SLIT3: variants seen among roughly 807,000 people sequenced by gnomAD.
The protein encoded by SLIT3 is slit guidance ligand 3.
SLIT3 carries 68 observed loss-of-function variants against 184.0 expected under a neutral mutation model. The observed-to-expected ratio is 0.37, with a 90% CI of 0.30 to 0.45. The LOEUF is 0.45. Among genes scored for constraint, SLIT3 ranks in the 20% least tolerant of loss-of-function variants. The probability of loss-of-function intolerance (pLI) is 1.00; values close to 1 mark genes in which losing one functional copy is unlikely to be tolerated. For synonymous variants in SLIT3, 831 were observed against 828.6 expected, an observed-to-expected ratio of 1.00 and a Z score of -0.05; for missense variants, 1,707 against 2,026.0, an observed-to-expected ratio of 0.84 and a Z score of 3.02.
rs190057712 is a variant in SLIT3, at chr5:168,820,168, T to G, written c.630-2705A>C. Among the ~76,000 whole-genome samples, 107 of 152,234 alleles carry G rather than the reference T, an allele frequency of 7.0e-4. 1 individual carries two copies. Among genetic ancestry groups the G allele is most frequent in the Non-Finnish European group, 1.4e-3 (93 of 68,000 alleles). On this transcript the variant is annotated intron_variant, in intron 7 of 35. Transcript: ENST00000519560. Reference sequence around the variant, plus strand: ...CCTCTTGAGTGAGAAGGGACATTATTTTAATTACTTTCAATAGTTTTGGTG... The same window carrying G: ...CCTCTTGAGTGAGAAGGGACATTATGTTAATTACTTTCAATAGTTTTGGTG...
chr5:168,892,717 G>A (rs1040670107), intron 4 of SLIT3, among the ~76,000 whole-genome samples: 1 of 152,186 alleles, frequency 6.6e-6, no homozygotes, highest in Non-Finnish European at 1.5e-5. Context: ...AGTCCAAACG[G>A]AAGCTTTCTT....
intron 3 of SLIT3, among the ~76,000 whole-genome samples, chr5:169,194,747 C>T (rs977557787): frequency 1.3e-5 from 2 of 152,160 alleles, no homozygotes; most frequent in Non-Finnish European, 2.9e-5. Flanking sequence ...GTAGGGATGG[C>T]TCACATTGGA....
chr5:168,718,868 A>G (rs990170454), intron 23 of SLIT3, among the ~76,000 whole-genome samples: 3 of 152,110 alleles, frequency 2.0e-5, no homozygotes, highest in African/African-American at 7.2e-5. Flanking sequence ...AACACCCAAC[A>G]TCTCTGGGTC....
At chr5:168,741,442 G>GC (rs2113431520) in intron 20 of SLIT3, among the ~76,000 whole-genome samples, 1 of 135,092 alleles carries the variant, frequency 7.4e-6, no homozygotes, top group South Asian at 2.4e-4. Context: ...CTGCATTCCA[G>GC]CACTCCAGCC....
intron 4 of SLIT3, among the ~76,000 whole-genome samples, chr5:168,994,591 G>A (rs994720211): frequency 7.8e-6 from 1 of 128,436 alleles, no homozygotes; most frequent in Non-Finnish European, 1.6e-5. Flanking sequence ...AATATCTAAT[G>A]CTACTAACAT....
At chr5:168,722,550 C>T (rs569880515) in intron 22 of SLIT3, among the ~76,000 whole-genome samples, 5 of 152,308 alleles carry the variant, frequency 3.3e-5, no homozygotes, top group Middle Eastern at 3.4e-3. Context: ...GCTTTCTAAC[C>T]AGCTTGTTCG....
At position 169,244,685 on chromosome 5, in the gene SLIT3, G is replaced by T; in HGVS notation, c.341+20C>A. On this transcript the variant is annotated intron_variant, in intron 3 of 35. Transcript: ENST00000519560. ...AAATGTAAATAAATACTTTAAGAAA[G>T]GAGGCTGTACTGTACTTACAGTCGC... 6.2e-7 allele frequency: 1 copy of T among 1,601,542 alleles called. No homozygotes were observed. Among genetic ancestry groups the T allele is most frequent in the Non-Finnish European group, 8.6e-7 (1 of 1,169,238 alleles).
chr5:168,982,081 C>A (rs890539625), intron 4 of SLIT3, among the ~76,000 whole-genome samples: 8 of 152,176 alleles, frequency 5.3e-5, no homozygotes, highest in Non-Finnish European at 1.2e-4. Flanking sequence ...TAATTCTTTC[C>A]TTTCTTCTAA....
intron 14 of SLIT3, among the ~76,000 whole-genome samples, chr5:168,771,752 T>G (rs1051936332): frequency 3.3e-5 from 5 of 152,240 alleles, no homozygotes; most frequent in Admixed American, 2.0e-4. Context: ...AGACATGGAC[T>G]AAAGAATTTG....
At chr5:169,220,560 A>G (rs946256386) in intron 3 of SLIT3, among the ~76,000 whole-genome samples, 2 of 152,166 alleles carry the variant, frequency 1.3e-5, no homozygotes, top group African/African-American at 4.8e-5. Flanking sequence ...ATAAGTTTGT[A>G]TAAGAGTAAT....
chr5:169,238,076 TA>T (rs1334925077), intron 3 of SLIT3, among the ~76,000 whole-genome samples: 1 of 152,218 alleles, frequency 6.6e-6, no homozygotes, highest in Non-Finnish European at 1.5e-5. Context: ...TGTGTGTGTC[TA>T]TTTTTTCACA....
intron 16 of SLIT3, among the ~76,000 whole-genome samples, chr5:168,760,459 T>C (rs1364246398): frequency 6.6e-6 from 1 of 152,132 alleles, no homozygotes; most frequent in Non-Finnish European, 1.5e-5. Context: ...TTTGATTCCA[T>C]TTGAAAACAG....
chr5:169,148,562 G>C (rs77805378), intron 4 of SLIT3, among the ~76,000 whole-genome samples: 3,175 of 152,288 alleles, frequency 0.021, 114 homozygotes, highest in African/African-American at 0.071. Context: ...GTAATTAAAT[G>C]CAACACCTTG....
At chr5:169,234,400 A>G (rs17668157) in intron 3 of SLIT3, among the ~76,000 whole-genome samples, 9,990 of 152,034 alleles carry the variant, frequency 0.066, 409 homozygotes, top group Middle Eastern at 0.12. Flanking sequence ...TTTCGGTTGT[A>G]TGAAGCTTGT....
intron 5 of SLIT3, among the ~76,000 whole-genome samples, chr5:168,859,154 C>G (rs988728282): frequency 7.9e-5 from 12 of 152,168 alleles, no homozygotes; most frequent in Non-Finnish European, 1.6e-4. Context: ...TGGGTCAGCA[C>G]TGCGGCAGAA....
Position 168,996,273 on chromosome 5 carries a change from G to A in SLIT3, c.414-112937C>T, listed in dbSNP as rs541801679. ...AAGCCTGACCTGCAGGCCTCCTCCC[G>A]AGAGACACATGATTTACCTAGGCTG... On this transcript the variant is annotated intron_variant, in intron 4 of 35. Coordinates refer to ENST00000519560, the MANE Select transcript of SLIT3 (RefSeq NM_003062.4). Among the ~76,000 whole-genome samples, 12 of 152,234 alleles carry A rather than the reference G, an allele frequency of 7.9e-5. No homozygotes were observed. The South Asian group carries it at 1.0e-3, about 13-fold the overall frequency.
intron 4 of SLIT3, among the ~76,000 whole-genome samples, chr5:169,186,309 C>T (rs1200009696): frequency 2.0e-5 from 3 of 152,060 alleles, no homozygotes; most frequent in East Asian, 1.9e-4. Flanking sequence ...GGCACAACCA[C>T]GTGAGGAGGC....
At chr5:169,119,553 A>T (rs1760806876) in intron 4 of SLIT3, among the ~76,000 whole-genome samples, 1 of 152,234 alleles carries the variant, frequency 6.6e-6, no homozygotes, top group Non-Finnish European at 1.5e-5. Flanking sequence ...CCAAACACAC[A>T]ATCATTTTTC....
chr5:169,160,794 A>G (rs1285268011), intron 4 of SLIT3, among the ~76,000 whole-genome samples: 1 of 152,214 alleles, frequency 6.6e-6, no homozygotes, highest in Non-Finnish European at 1.5e-5. Context: ...AAACAGGCCA[A>G]CCACGTGAAG....
Sources: allele counts gnomAD v4.1 joint callset (sites outside exome capture counted in the v4.1 genomes callset), GRCh38; gene constraint gnomAD v4.1.1; transcripts MANE v1.5; gene names NCBI Gene and HGNC (gene_info 2026-07-23, HGNC 2026-07-21).